Variants in PTPRN2 observed in about 807,000 individuals in gnomAD.
The protein encoded by PTPRN2 is receptor-type tyrosine-protein phosphatase N2.
A neutral mutation model predicts 118.8 loss-of-function variants in PTPRN2; 74 were observed. The observed-to-expected ratio is 0.62, with a 90% CI of 0.52 to 0.76. The LOEUF (loss-of-function observed/expected upper bound fraction) is 0.76, where lower values mean the gene tolerates loss of function less well. PTPRN2 is among the 30% of genes least tolerant of loss of function. PTPRN2 has a pLI of 0.00. For synonymous variants in PTPRN2, 641 were observed against 608.0 expected, an observed-to-expected ratio of 1.05 and a Z score of -0.80; for missense variants, 1,481 against 1,394.4, an observed-to-expected ratio of 1.06 and a Z score of -0.99.
At chr7:157,549,890 A>T (rs758770889) in intron 21 of PTPRN2, among the ~76,000 whole-genome samples, 1 of 152,214 alleles carries the variant, frequency 6.6e-6, no homozygotes, top group African/African-American at 2.4e-5. Context: ...GGTGCCAGGC[A>T]CTTCATGTCA....
At chr7:157,747,424 T>G (rs796279296) in intron 12 of PTPRN2, among the ~76,000 whole-genome samples, 4,540 of 19,400 alleles carry the variant, frequency 0.23, no homozygotes, top group Non-Finnish European at 0.26. Context: ...TCCCTGAGCT[T>G]TGGGCTGTCC....
At chr7:158,130,482 CA>C (rs1306041081) in intron 9 of PTPRN2, among the ~76,000 whole-genome samples, 3 of 151,400 alleles carry the variant, frequency 2.0e-5, no homozygotes, top group Non-Finnish European at 4.4e-5. Flanking sequence ...CACACATGCA[CA>C]TATGCACAAA....
chr7:157,870,575 C>T (rs367927001), intron 12 of PTPRN2, among the ~76,000 whole-genome samples: 2 of 152,216 alleles, frequency 1.3e-5, no homozygotes, highest in East Asian at 3.8e-4. Context: ...TAAACTAGAT[C>T]CTGTTCAGAC....
At chr7:157,556,501 TAC>T (rs757917085) in intron 21 of PTPRN2, among the ~76,000 whole-genome samples, 1 of 127,802 alleles carries the variant, frequency 7.8e-6, no homozygotes, top group African/African-American at 3.0e-5. Context: ...TGCACACACA[TAC>T]ACACACAGGC....
At chr7:158,122,567 A>G (rs983332532) in intron 9 of PTPRN2, among the ~76,000 whole-genome samples, 1 of 152,216 alleles carries the variant, frequency 6.6e-6, no homozygotes, top group Non-Finnish European at 1.5e-5. Flanking sequence ...GGAAATATAA[A>G]GAGTAGTAAA....
chr7:157,970,161 C>A (rs1802220706), intron 11 of PTPRN2, among the ~76,000 whole-genome samples: 1 of 152,200 alleles, frequency 6.6e-6, no homozygotes, highest in South Asian at 2.1e-4. Context: ...GTATTAGACA[C>A]TGGGGCCACA....
chr7:158,242,287 G>T (rs1795947936), intron 3 of PTPRN2, among the ~76,000 whole-genome samples: 1 of 152,122 alleles, frequency 6.6e-6, no homozygotes, highest in African/African-American at 2.4e-5. Context: ...ACCTGCCTAG[G>T]CATGGACTTC....
intron 3 of PTPRN2, among the ~76,000 whole-genome samples, chr7:158,288,491 A>G (rs1799900573): frequency 6.6e-6 from 1 of 152,198 alleles, no homozygotes; most frequent in Non-Finnish European, 1.5e-5. Context: ...TGAGGCTTAC[A>G]TAAAAATATC....
chr7:158,431,084 T>C (rs1816133706), intron 2 of PTPRN2, among the ~76,000 whole-genome samples: 1 of 152,242 alleles, frequency 6.6e-6, no homozygotes, highest in Admixed American at 6.5e-5. Flanking sequence ...AATTCTTCAC[T>C]GTGTGATTCC....
intron 21 of PTPRN2, among the ~76,000 whole-genome samples, chr7:157,553,366 G>A (rs532568395): frequency 3.3e-4 from 51 of 152,346 alleles, no homozygotes; most frequent in African/African-American, 9.4e-4. Context: ...TCTGGCCGGA[G>A]CCATGAAGCC....
intron 3 of PTPRN2, among the ~76,000 whole-genome samples, chr7:158,276,992 A>T (rs1272686069): frequency 6.6e-6 from 1 of 152,110 alleles, no homozygotes; most frequent in Admixed American, 6.5e-5. Flanking sequence ...GTCCCCTCTA[A>T]CAGGGTGGGG....
At chr7:157,816,735 T>C (rs1158190946) in intron 12 of PTPRN2, among the ~76,000 whole-genome samples, 1 of 152,122 alleles carries the variant, frequency 6.6e-6, no homozygotes, top group East Asian at 1.9e-4. Context: ...GGTGCGAGAC[T>C]CTGCCCTCTA....
In PTPRN2 at chr7:157,929,713, G is replaced by A. The variant is rs1799249612; in HGVS notation, c.1724-30976C>T. ...ACTTCCCTGTCCCTCGGGTGGGGGC[G>A]GCATCCTCACAGGGGTGAGGAGCTC... On this transcript the variant is annotated intron_variant, in intron 11 of 22. Coordinates refer to ENST00000389418, the MANE Select transcript of PTPRN2 (RefSeq NM_002847.5). This position sits in a 1 kb window ranked among gnomAD's most constrained non-coding sequence, Gnocchi z 4.4. 8.8e-6 allele frequency among the ~76,000 whole-genome samples: 1 copy of A among 113,262 alleles called. No homozygotes were observed. Among genetic ancestry groups the A allele is most frequent in the East Asian group, 2.8e-4 (1 of 3,532 alleles). 74.3% of individuals were successfully genotyped at this position (113,262 alleles called of 152,430 possible).
chr7:158,479,213 T>G lies in PTPRN2; in HGVS notation c.163+10522A>C, dbSNP rs149878773. ...CTAAGGCTGTGAATGGGGCTCATGT[T>G]ACTCAATGTGAGTGGGGCGGCGTGG... is the stretch of plus-strand genomic sequence containing the variant. On this transcript the variant is annotated intron_variant, in intron 2 of 22. Transcript: ENST00000389418. Among the ~76,000 whole-genome samples, 666 of 152,220 alleles carry G rather than the reference T, an allele frequency of 4.4e-3. 4 individuals are homozygous for G. Among genetic ancestry groups the G allele is most frequent in the Non-Finnish European group, 7.6e-3 (516 of 68,014 alleles).
At chr7:157,602,150 T>A (rs1377738855) in intron 16 of PTPRN2, among the ~76,000 whole-genome samples, 1 of 152,214 alleles carries the variant, frequency 6.6e-6, no homozygotes, top group Admixed American at 6.5e-5. Flanking sequence ...AGGAAGGAAG[T>A]GATTCCTTCT....
At chr7:158,146,511 G>C (rs1041194039) in intron 6 of PTPRN2, among the ~76,000 whole-genome samples, 1 of 152,036 alleles carries the variant, frequency 6.6e-6, no homozygotes, top group Admixed American at 6.6e-5. Context: ...CACGAGGTCA[G>C]GAGATCAAGA....
At chr7:158,136,528 T>G (rs1022632835) in intron 8 of PTPRN2, 127 bp downstream of exon 8, 5 of 774,830 alleles carry the variant, frequency 6.5e-6, no homozygotes, top group Non-Finnish European at 1.1e-5. Flanking sequence ...TTGGAGATTA[T>G]GAGGGGTTTC....
chr7:157,620,232 T>C (rs181782702), intron 15 of PTPRN2, among the ~76,000 whole-genome samples: 2 of 152,276 alleles, frequency 1.3e-5, no homozygotes, highest in African/African-American at 4.8e-5. Context: ...GGAACCTTCA[T>C]TGGAACCTGC....
Position 158,192,332 on chromosome 7 carries a change from CG to C in PTPRN2, c.543del (p.Ala182LeufsTer12), listed in dbSNP as rs35442624. On this transcript the variant is annotated frameshift_variant, in exon 5 of 23. Transcript: ENST00000389418. LOFTEE classifies it high-confidence loss of function. ...GGAGGAAGTGGAAGGGTCACCTCAG[CG>C]GGGGGTCTGTCCTGCGCCGTATGGG... is the stretch of plus-strand genomic sequence containing the variant. ...ARTHTAQDRP[P>X]AEGDDRFSES... The C allele has an allele frequency of 2.7e-6, 4 of 1,474,628 alleles. No individual in the cohort carries two copies. Among genetic ancestry groups the C allele is most frequent in the Non-Finnish European group, 3.6e-6 (4 of 1,120,088 alleles). The allele number at this position is 1,474,628 out of a possible 1,614,324, so 91.3% of individuals were successfully genotyped here.
Sources: gnomAD v4.1 joint callset for allele counts (sites outside exome capture counted in the v4.1 genomes callset) on GRCh38, gnomAD v4.1.1 for gene constraint, Gnocchi (gnomAD v3.1) non-coding constraint, MANE v1.5 for transcripts, NCBI Gene and HGNC (gene_info 2026-07-23, HGNC 2026-07-21) for gene names.